Variants in ODAD2 observed in about 807,000 individuals in gnomAD.
ODAD2 encodes outer dynein arm docking complex subunit 2, also known as outer dynein arm-docking complex subunit 2.
In ODAD2, 89 loss-of-function variants were observed where a neutral mutation model predicts 106.8. That is an observed-to-expected ratio of 0.83 (90% CI 0.70 to 0.99). The LOEUF (loss-of-function observed/expected upper bound fraction) is 0.99, where lower values mean the gene tolerates loss of function less well. Ranked by LOEUF, ODAD2 falls within the 50% of genes least tolerant of loss-of-function variation. The probability of loss-of-function intolerance (pLI) is 0.00; values close to 1 mark genes in which losing one functional copy is unlikely to be tolerated. For missense variants in ODAD2, 1,168 were observed against 1,238.5 expected, an observed-to-expected ratio of 0.94 and a Z score of 0.85; for synonymous variants, 404 against 436.2, an observed-to-expected ratio of 0.93 and a Z score of 0.92.
chr10:27,837,002 C>A (rs372980205), intron 19 of ODAD2, among the ~76,000 whole-genome samples: 12 of 152,276 alleles, frequency 7.9e-5, no homozygotes, highest in African/African-American at 2.9e-4. Flanking sequence ...CTTGAGTTGC[C>A]TTTCCAGATC....
chr10:27,882,742 A>C (rs1029152467), intron 17 of ODAD2, among the ~76,000 whole-genome samples: 7 of 152,136 alleles, frequency 4.6e-5, no homozygotes, highest in Non-Finnish European at 8.8e-5. Flanking sequence ...GCAGCCTACA[A>C]ACCATAGGAG....
At chr10:27,891,463 G>A (rs559223833) in intron 17 of ODAD2, among the ~76,000 whole-genome samples, 4 of 151,518 alleles carry the variant, frequency 2.6e-5, no homozygotes, top group Non-Finnish European at 4.4e-5. Flanking sequence ...AAGGCCAAAT[G>A]ATCTCATGGA....
At chr10:27,938,604 C>CT (rs982998118) in intron 14 of ODAD2, among the ~76,000 whole-genome samples, 11 of 144,838 alleles carry the variant, frequency 7.6e-5, no homozygotes, top group East Asian at 4.0e-4. Flanking sequence ...CTTCTTTTTT[C>CT]TTTTTTTTTT....
intron 19 of ODAD2, among the ~76,000 whole-genome samples, chr10:27,851,021 C>A (rs1045387054): frequency 6.6e-6 from 1 of 152,048 alleles, no homozygotes; most frequent in African/African-American, 2.4e-5. Flanking sequence ...CTGGGGTCTG[C>A]GGAAGGTGCC....
intron 17 of ODAD2, among the ~76,000 whole-genome samples, chr10:27,864,824 G>C (rs770307316): frequency 1.3e-5 from 2 of 152,052 alleles, no homozygotes; most frequent in African/African-American, 2.4e-5. Flanking sequence ...CATCCCAACG[G>C]CGTATCAGGC....
chr10:27,902,722 C>T (rs926600147), intron 17 of ODAD2, among the ~76,000 whole-genome samples: 2 of 152,152 alleles, frequency 1.3e-5, no homozygotes, highest in African/African-American at 4.8e-5. Context: ...TTCCTGGACA[C>T]ATACACCCTC....
At chr10:27,975,311 C>G (rs1027153260) in intron 7 of ODAD2, among the ~76,000 whole-genome samples, 7 of 151,952 alleles carry the variant, frequency 4.6e-5, no homozygotes, top group African/African-American at 1.7e-4. Flanking sequence ...AAGACATAAG[C>G]ACCAAAGTAA....
At chr10:27,946,128 A>C (rs1323651144) in intron 10 of ODAD2, among the ~76,000 whole-genome samples, 1 of 148,508 alleles carries the variant, frequency 6.7e-6, no homozygotes, top group East Asian at 1.9e-4. Flanking sequence ...TAATTTTAAA[A>C]TGTATTTTTA....
intron 17 of ODAD2, among the ~76,000 whole-genome samples, chr10:27,875,124 C>A (rs1439875111): frequency 6.6e-6 from 1 of 152,154 alleles, no homozygotes; most frequent in Non-Finnish European, 1.5e-5. Flanking sequence ...ATCACTGATA[C>A]CCTTTCTTCC....
Position 27,971,100 on chromosome 10 carries a change from C to A in ODAD2, c.1142+8G>T. The A allele has an allele frequency of 6.2e-7, 1 of 1,606,990 alleles. No homozygotes were observed. The highest frequency in any genetic ancestry group is 8.5e-7 in the Non-Finnish European group (1 of 1,173,840). On this transcript the variant is annotated splice_region_variant and intron_variant, in intron 8 of 19. Transcript: ENST00000305242. The stretch of plus-strand genomic sequence containing the variant: ...TGCATCTGAAAACAAATGCAAATAT[C>A]TACATACCCTTTGTAATTAACAGTG...
rs1183590642 is a variant in ODAD2, at chr10:27,944,819, A to C, written c.1530T>G (p.Cys510Trp). The change falls in exon 11 of 20, where the codon TGT becomes TGG. Residue 510 changes from cysteine to tryptophan, a missense_variant. Physicochemically the swap from Cys to Trp is radical, Grantham distance 215. Around this residue, in one of 3 missense-constraint regions of ODAD2, gnomAD observed 701 missense variants for 712.3 expected, o/e 0.98. Transcript: ENST00000305242. ...INLLETDEVK[C>W]KIGSLKILKE... is the part of the protein sequence containing the mutation. ...CCAAGGTGACAGAGCCACTCACCTT[A>C]CATTTGACTTCATCGGTTTCAAGCA... is the stretch of plus-strand genomic sequence containing the variant. The C allele has an allele frequency of 2.5e-6, 4 of 1,614,024 alleles. No individual in the cohort carries two copies. Among genetic ancestry groups the C allele is most frequent in the African/African-American group, 1.3e-5 (1 of 74,942 alleles).
At chr10:27,969,509 C>A (rs1848693539) in intron 8 of ODAD2, among the ~76,000 whole-genome samples, 1 of 152,290 alleles carries the variant, frequency 6.6e-6, no homozygotes, top group East Asian at 1.9e-4. Flanking sequence ...ACTCACTTGC[C>A]AGTTAAAAAA....
At chr10:27,990,288 C>T (rs1013002636) in intron 2 of ODAD2, among the ~76,000 whole-genome samples, 11 of 152,102 alleles carry the variant, frequency 7.2e-5, no homozygotes, top group Admixed American at 7.2e-4. Context: ...GATGGGACTA[C>T]AGCCGCACGC....
intron 19 of ODAD2, among the ~76,000 whole-genome samples, chr10:27,831,284 T>C (rs574095418): frequency 6.6e-6 from 1 of 152,146 alleles, no homozygotes; most frequent in African/African-American, 2.4e-5. Context: ...TATAAAATAT[T>C]AAATCTGTAC....
At chr10:27,985,919 T>C (rs1465571893) in intron 3 of ODAD2, among the ~76,000 whole-genome samples, 1 of 152,012 alleles carries the variant, frequency 6.6e-6, no homozygotes, top group Non-Finnish European at 1.5e-5. Context: ...AAAACCAATA[T>C]GGTTGAAAAT....
At chr10:27,978,879 A>G (rs1849356927) in intron 7 of ODAD2, among the ~76,000 whole-genome samples, 1 of 151,974 alleles carries the variant, frequency 6.6e-6, no homozygotes, top group South Asian at 2.1e-4. Context: ...AGCTAACATC[A>G]GGCTCAATGG....
intron 10 of ODAD2, among the ~76,000 whole-genome samples, chr10:27,946,907 A>G (rs565367943): frequency 1.5e-4 from 23 of 152,284 alleles, no homozygotes; most frequent in African/African-American, 5.1e-4. Context: ...ATTTAAGAAA[A>G]TTTCTTCCAT....
intron 16 of ODAD2, among the ~76,000 whole-genome samples, chr10:27,923,733 A>T (rs1211189303): frequency 6.6e-6 from 1 of 151,960 alleles, no homozygotes; most frequent in East Asian, 1.9e-4. Context: ...TAATCACTTG[A>T]GGACAGGAGT....
At chr10:27,911,621 T>C (rs1490247314) in intron 16 of ODAD2, among the ~76,000 whole-genome samples, 1 of 152,218 alleles carries the variant, frequency 6.6e-6, no homozygotes. Context: ...CACTTTCAAC[T>C]ATTGCTGTTT....
Sources: allele counts gnomAD v4.1 joint callset (sites outside exome capture counted in the v4.1 genomes callset), GRCh38; gene constraint gnomAD v4.1.1; regional missense constraint gnomAD v4.1.1; transcripts MANE v1.5; gene names NCBI Gene and HGNC (gene_info 2026-07-23, HGNC 2026-07-21).